Variants in MAF observed in about 807,000 individuals in gnomAD.
MAF encodes the protein transcription factor Maf.
Under a neutral mutation model 22.0 loss-of-function variants are expected in MAF, and 10 were observed. That is an observed-to-expected ratio of 0.45 (90% confidence interval 0.28 to 0.77). The LOEUF (loss-of-function observed/expected upper bound fraction) is 0.77. Ranked by LOEUF, MAF falls within the 30% of genes least tolerant of loss-of-function variation. The pLI, the probability that MAF is intolerant of heterozygous loss-of-function variation, is 0.12. For missense variants in MAF, 544 were observed against 548.4 expected, an observed-to-expected ratio of 0.99 and a Z score of 0.08; for synonymous variants, 337 against 255.8, an observed-to-expected ratio of 1.32 and a Z score of -3.03.
At chr16:79,496,968 T>C in the MAF span, among the ~76,000 whole-genome samples, 1 of 152,212 alleles carries the variant, frequency 6.6e-6, no homozygotes, top group East Asian at 1.9e-4. Flanking sequence ...TTCTTGGTCT[T>C]GGTTGAGGCA....
At chr16:79,595,572 T>C (rs999672037) in intron 1 of MAF, 15 of 1,059,568 alleles carry the variant, frequency 1.4e-5, no homozygotes, top group African/African-American at 8.2e-5. Flanking sequence ...TTTCATGAAT[T>C]TGTGTCATTT....
At chr16:79,231,606 AG>A in the MAF span, among the ~76,000 whole-genome samples, 1 of 151,944 alleles carries the variant, frequency 6.6e-6, no homozygotes, top group Non-Finnish European at 1.5e-5. Flanking sequence ...ATCCCTTAAA[AG>A]GGGTTCTTAT....
At chr16:79,214,643 G>A in the MAF span, among the ~76,000 whole-genome samples, 1 of 145,932 alleles carries the variant, frequency 6.9e-6, no homozygotes, top group Admixed American at 6.9e-5. Context: ...CTGACCTTGT[G>A]ATCTGCCCTC....
the MAF span, among the ~76,000 whole-genome samples, chr16:79,430,836 C>T: frequency 1.3e-5 from 2 of 152,194 alleles, no homozygotes. Flanking sequence ...CTGCTCTTGG[C>T]CTCAGCACCC....
chr16:79,468,281 C>T, the MAF span, among the ~76,000 whole-genome samples: 1 of 152,206 alleles, frequency 6.6e-6, no homozygotes, highest in African/African-American at 2.4e-5. Context: ...AGTGCCTTCC[C>T]CTGTGTGATT....
the MAF span, among the ~76,000 whole-genome samples, chr16:79,527,749 T>A: frequency 1.3e-5 from 2 of 152,184 alleles, no homozygotes; most frequent in Non-Finnish European, 2.9e-5. Context: ...AAGTGAATAT[T>A]GTCAGGAAAT....
chr16:79,587,339 A>C (rs1041615926), intron 1 of MAF, among the ~76,000 whole-genome samples: 1 of 152,216 alleles, frequency 6.6e-6, no homozygotes, highest in Non-Finnish European at 1.5e-5. Flanking sequence ...CTGAAGTGAT[A>C]AAACCTGGAA....
At chr16:79,514,089 T>G in the MAF span, among the ~76,000 whole-genome samples, 1 of 152,250 alleles carries the variant, frequency 6.6e-6, no homozygotes, top group Non-Finnish European at 1.5e-5. Flanking sequence ...TTCTGAAATG[T>G]TTAACAGTTG....
At chr16:79,391,198 G>C in the MAF span, among the ~76,000 whole-genome samples, 1 of 152,176 alleles carries the variant, frequency 6.6e-6, no homozygotes, top group African/African-American at 2.4e-5. Flanking sequence ...TGGGCAAATT[G>C]TTCAACCTCT....
At chr16:79,592,809 T>C (rs955094935), downstream of MAF, among the ~76,000 whole-genome samples, 2 of 152,222 alleles carry the variant, frequency 1.3e-5, no homozygotes, top group African/African-American at 4.8e-5. Context: ...ATAAAAGAAC[T>C]AAGACATTTC....
At chr16:79,318,242 G>T in the MAF span, among the ~76,000 whole-genome samples, 7,239 of 152,210 alleles carry the variant, frequency 0.048, 582 homozygotes, top group African/African-American at 0.17. Flanking sequence ...TTCCCAGGTT[G>T]CATCCACTAC....
the MAF span, among the ~76,000 whole-genome samples, chr16:79,281,213 A>T: frequency 8.8e-6 from 1 of 113,242 alleles, no homozygotes; most frequent in East Asian, 2.9e-4. Flanking sequence ...TTTAACCAAT[A>T]GTTTCAATAT....
chr16:79,208,534 C>T, the MAF span, among the ~76,000 whole-genome samples: 2 of 152,142 alleles, frequency 1.3e-5, no homozygotes, highest in Admixed American at 6.5e-5. Context: ...ACATTATTTC[C>T]TTTAGATGGC....
the MAF span, among the ~76,000 whole-genome samples, chr16:79,395,610 C>T: frequency 3.7e-4 from 57 of 152,194 alleles, no homozygotes; most frequent in South Asian, 3.5e-3. Flanking sequence ...CAAGGAATGC[C>T]GGAGCTTGCC....
the MAF span, among the ~76,000 whole-genome samples, chr16:79,392,978 G>A: frequency 5.3e-5 from 8 of 152,110 alleles, no homozygotes; most frequent in African/African-American, 1.7e-4. Context: ...AGCTCCTGCC[G>A]CCCTCTCTTA....
At chr16:79,546,677 G>T in the MAF span, among the ~76,000 whole-genome samples, 4 of 152,146 alleles carry the variant, frequency 2.6e-5, no homozygotes, top group East Asian at 7.7e-4. Context: ...ACATGGTCTA[G>T]TCAAGCAAGA....
At chr16:79,374,854 T>C in the MAF span, among the ~76,000 whole-genome samples, 3 of 152,174 alleles carry the variant, frequency 2.0e-5, no homozygotes, top group Non-Finnish European at 4.4e-5. Flanking sequence ...ACAGACCAGA[T>C]AGACAAGATA....
At chr16:79,503,573 T>C in the MAF span, among the ~76,000 whole-genome samples, 12 of 152,234 alleles carry the variant, frequency 7.9e-5, no homozygotes, top group African/African-American at 2.9e-4. Flanking sequence ...TCATTCTTTG[T>C]GGATTTCATT....
At chr16:79,387,233 C>T in the MAF span, among the ~76,000 whole-genome samples, 237 of 152,314 alleles carry the variant, frequency 1.6e-3, 4 homozygotes, top group African/African-American at 5.4e-3. Flanking sequence ...GGCCTGGGTG[C>T]TGCTAAGCAT....
Sources: gnomAD v4.1 joint callset for allele counts (sites outside exome capture counted in the v4.1 genomes callset) on GRCh38, gnomAD v4.1.1 for gene constraint, MANE v1.5 for transcripts, NCBI Gene and HGNC (gene_info 2026-07-23, HGNC 2026-07-21) for gene names.